The following SLC27A6 variants were observed in gnomAD, a reference collection of about 807,000 sequenced individuals.
The protein encoded by SLC27A6 is long-chain fatty acid transport protein 6.
In SLC27A6, 74 loss-of-function variants were observed where a neutral mutation model predicts 63.9. The observed-to-expected ratio is 1.16, with a 90% CI of 0.96 to 1.40. The LOEUF is 1.40. Among genes scored for constraint, SLC27A6 ranks in the 40% most tolerant of loss-of-function variants. The pLI is 0.00. For synonymous variants in SLC27A6, 287 were observed against 260.8 expected, an observed-to-expected ratio of 1.10 and a Z score of -0.97; for missense variants, 794 against 732.9, an observed-to-expected ratio of 1.08 and a Z score of -0.96.
intron 6 of SLC27A6, among the ~76,000 whole-genome samples, chr5:129,025,518 C>G (rs1347490410): frequency 1.3e-5 from 2 of 151,858 alleles, no homozygotes; most frequent in African/African-American, 2.4e-5. Context: ...TTTTTTTACG[C>G]CTCAGTTTTT....
chr5:129,028,144 ATT>A (rs1752305088), intron 7 of SLC27A6, among the ~76,000 whole-genome samples, 199 bp from the exon 8 acceptor site: 1 of 152,122 alleles, frequency 6.6e-6, no homozygotes, highest in Non-Finnish European at 1.5e-5. Flanking sequence ...ATATAAAGTA[ATT>A]TTGACTAAAA....
chr5:128,966,289 G>A lies in SLC27A6; in HGVS notation c.152G>A (p.Gly51Glu), dbSNP rs1392040859. The A allele has an allele frequency of 1.9e-6, 3 of 1,613,952 alleles. No individual in the cohort carries two copies. Among genetic ancestry groups the A allele is most frequent in the South Asian group, 1.1e-5 (1 of 91,056 alleles). The change falls in exon 1 of 10, where the codon GGG (glycine) becomes GAG (glutamate). Residue 51 changes from glycine to glutamate, a missense_variant. Physicochemically the swap from Gly to Glu is moderately conservative, Grantham distance 98. Coordinates refer to ENST00000262462, the MANE Select transcript of SLC27A6 (RefSeq NM_001017372.3). ...CGGCTGAAGAAGTATGAAAAGAGAG[G>A]GGAGCTGGTGACTGTGCTGGATAAA... ...IIRLKKYEKR[G>E]ELVTVLDKFL...
intron 1 of SLC27A6, among the ~76,000 whole-genome samples, chr5:128,982,926 G>T (rs190398337): frequency 1.1e-3 from 160 of 152,260 alleles, no homozygotes; most frequent in African/African-American, 3.5e-3. Flanking sequence ...TTTCTGTGTT[G>T]CCTTCTATTT....
rs2526246 is a variant in SLC27A6, at chr5:128,966,131, T to A, written c.-7T>A. 521,538 of 1,529,046 alleles carry A rather than the reference T, an allele frequency of 0.34. 93,759 individuals are homozygous for A. Among genetic ancestry groups the A allele is most frequent in the Middle Eastern group, 0.43 (2,271 of 5,304 alleles). The allele number at this position is 1,529,046 out of a possible 1,614,324, so 94.7% of individuals were successfully genotyped here. A position where few individuals can be genotyped will look rare whatever the true frequency, so the allele number is the denominator to read the frequency against. ...GATCAGAGCTGTCTTCTGGCCCAGT[T>A]GCCCCCATGCTTCTGTCATGGCTAA... On this transcript the variant is annotated 5_prime_UTR_variant, in exon 1 of 10. Transcript: ENST00000262462.
chr5:129,016,353 G>A (rs1010191551), intron 5 of SLC27A6, among the ~76,000 whole-genome samples: 17 of 131,924 alleles, frequency 1.3e-4, no homozygotes, highest in Admixed American at 8.1e-4. Flanking sequence ...CAGAGATTGC[G>A]CCACTGTACT....
At chr5:128,975,457 C>T (rs983959690) in intron 1 of SLC27A6, among the ~76,000 whole-genome samples, 12 of 152,194 alleles carry the variant, frequency 7.9e-5, no homozygotes, top group Admixed American at 2.0e-4. Flanking sequence ...TTACTACACA[C>T]CTAGGCGCTG....
In SLC27A6 at chr5:129,033,439, ATTTCT is replaced by A; in HGVS notation, c.*161_*165del. 1 of 414,698 alleles carries A rather than the reference ATTTCT, an allele frequency of 2.4e-6. No individual in the cohort carries two copies. 25.7% of individuals were successfully genotyped at this position (414,698 alleles called of 1,614,324 possible). A position where few individuals can be genotyped will look rare whatever the true frequency, so the allele number is the denominator to read the frequency against. On this transcript the variant is annotated 3_prime_UTR_variant, in exon 10 of 10. Coordinates refer to ENST00000262462, the MANE Select transcript of SLC27A6 (RefSeq NM_001017372.3). ...ATTTTTTAATTGCATAAGAATTTTA[ATTTCT>A]TTTAATTGATATAAACAGTAGTTGA...
rs747096674 is a variant in SLC27A6 at position 129,033,106 on chromosome 5, GA to G, written c.1690del (p.Met564TrpfsTer10). The G allele has an allele frequency of 1.2e-6, 2 of 1,601,998 alleles. No individual in the cohort carries two copies. Among genetic ancestry groups the G allele is most frequent in the Non-Finnish European group, 1.7e-6 (2 of 1,174,070 alleles). On this transcript the variant is annotated frameshift_variant and splice_region_variant, in exon 10 of 10. Transcript: ENST00000262462. LOFTEE classifies it high-confidence loss of function. The stretch of plus-strand genomic sequence containing the variant: ...ACTCATCCTGGTAATTGCTTTACAG[GA>G]AAAAATGGAAGCAACAGGAACATTC... ...YACPRFLRIQEKMEATGTFKL... is the reference protein window; with the variant it reads ...YACPRFLRIQXKMEATGTFKL...
chr5:129,015,100 G>T (rs1260185218), intron 4 of SLC27A6, among the ~76,000 whole-genome samples: 1 of 151,920 alleles, frequency 6.6e-6, no homozygotes, highest in Non-Finnish European at 1.5e-5. Flanking sequence ...TGCATTTTTT[G>T]GTGATGATGG....
intron 6 of SLC27A6, among the ~76,000 whole-genome samples, chr5:129,025,083 C>T (rs977108548): frequency 1.3e-5 from 2 of 152,120 alleles, no homozygotes; most frequent in African/African-American, 4.8e-5. Context: ...GATGTTAAAA[C>T]TTGAATCCCA....
intron 4 of SLC27A6, among the ~76,000 whole-genome samples, chr5:129,002,488 CGTTCCTTCCCTCTCTCGTTCCCTG>C (rs1561623132): frequency 1.8e-5 from 1 of 55,814 alleles, no homozygotes; most frequent in Non-Finnish European, 3.9e-5. Context: ...TTCCCTCTCT[CGTTCCTTCCCTCTCTCGTTCCCTG>C]GTTCCCTCCC....
intron 2 of SLC27A6, among the ~76,000 whole-genome samples, chr5:128,987,511 G>A (rs528427756): frequency 6.6e-6 from 1 of 152,176 alleles, no homozygotes; most frequent in South Asian, 2.1e-4. Flanking sequence ...AAGATAAAAA[G>A]GATGTTGGAG....
In SLC27A6 at chr5:128,966,452, G is replaced by A; in HGVS notation, c.315G>A (p.Gly105=). 1 of 1,606,930 alleles carries A rather than the reference G, an allele frequency of 6.2e-7. No individual in the cohort carries two copies. The highest frequency in any genetic ancestry group is 1.1e-5 in the South Asian group (1 of 89,578). ...TGAACCATTCCTCTCTGAAAAAGGGGGACACGGTGGCTCTGCTGATGAGCA... is the reference window on the plus strand; with the variant it reads ...TGAACCATTCCTCTCTGAAAAAGGGAGACACGGTGGCTCTGCTGATGAGCA... ...VFLNHSSLKK[G]DTVALLMSNE... Residue 105 remains glycine, a synonymous_variant, in exon 1 of 10, where the codon GGG becomes GGA. Coordinates refer to ENST00000262462, the MANE Select transcript of SLC27A6 (RefSeq NM_001017372.3).
intron 6 of SLC27A6, among the ~76,000 whole-genome samples, chr5:129,025,840 G>T (rs1270959987): frequency 6.6e-6 from 1 of 152,086 alleles, no homozygotes; most frequent in African/African-American, 2.4e-5. Context: ...AATGGGAGTC[G>T]AGTAAAGACT....
intron 4 of SLC27A6, among the ~76,000 whole-genome samples, chr5:129,000,332 G>A (rs536971005): frequency 2.2e-4 from 34 of 151,970 alleles, no homozygotes; most frequent in Non-Finnish European, 4.0e-4. Flanking sequence ...GTTCCATTAT[G>A]TATTATTATA....
In SLC27A6 at chr5:129,028,370, A is replaced by G. The variant is rs778378475; in HGVS notation, c.1480A>G (p.Thr494Ala). ...FRWKGENVAT[T>A]EVADVIGMLD... ...ATGGAAAGGAGAAAATGTCGCAACC[A>G]CTGAGGTTGCTGATGTTATTGGAAT... Residue 494 changes from threonine to alanine, a missense_variant, in exon 8 of 10, where the codon ACT becomes GCT. Physicochemically the swap from Thr to Ala is moderately conservative, Grantham distance 58. Coordinates refer to ENST00000262462, the MANE Select transcript of SLC27A6 (RefSeq NM_001017372.3). The G allele has an allele frequency of 1.1e-5, 18 of 1,610,062 alleles. No individual in the cohort carries two copies. In the East Asian group the frequency reaches 2.9e-4, roughly 26 times the overall value.
chr5:129,022,740 G>T (rs1478996234), intron 5 of SLC27A6, among the ~76,000 whole-genome samples: 1 of 152,082 alleles, frequency 6.6e-6, no homozygotes, highest in East Asian at 1.9e-4. Context: ...TGGTAGGATT[G>T]CTTGAGCCTG....
chr5:129,006,831 T>C (rs1040075461), intron 4 of SLC27A6, among the ~76,000 whole-genome samples: 1 of 152,196 alleles, frequency 6.6e-6, no homozygotes, highest in African/African-American at 2.4e-5. Context: ...GTATGTGTGC[T>C]TACTGAATCA....
intron 4 of SLC27A6, among the ~76,000 whole-genome samples, chr5:129,010,739 CA>C (rs963369812): frequency 6.6e-6 from 1 of 151,728 alleles, no homozygotes; most frequent in Admixed American, 6.6e-5. Flanking sequence ...CAGATACTTC[CA>C]AGAGTCTCAG....
Sources: gnomAD v4.1 joint callset for allele counts (sites outside exome capture counted in the v4.1 genomes callset) on GRCh38, gnomAD v4.1.1 for gene constraint, MANE v1.5 for transcripts, NCBI Gene and HGNC (gene_info 2026-07-23, HGNC 2026-07-21) for gene names.